The following RIPK1 variants were observed in gnomAD, a reference collection of about 807,000 sequenced individuals.
RIPK1 encodes receptor-interacting serine/threonine-protein kinase 1.
RIPK1 carries 27 observed loss-of-function variants against 62.4 expected under a neutral mutation model. The observed-to-expected ratio is 0.43, with a 90% CI of 0.32 to 0.60. The LOEUF is 0.60. Among genes scored for constraint, RIPK1 ranks in the 20% least tolerant of loss-of-function variants. The pLI is 0.07. For missense variants in RIPK1, 735 were observed against 831.0 expected, an observed-to-expected ratio of 0.88 and a Z score of 1.42; for synonymous variants, 287 against 303.2, an observed-to-expected ratio of 0.95 and a Z score of 0.55.
chr6:3,114,049 TGA>T lies in RIPK1; in HGVS notation c.*712_*713del. On this transcript the variant is annotated 3_prime_UTR_variant, in exon 11 of 11. Coordinates refer to ENST00000259808, the MANE Select transcript of RIPK1 (RefSeq NM_001354930.2). This position sits in a 1 kb window ranked among gnomAD's most constrained non-coding sequence, Gnocchi z 5.0. ...ATTTTTTAATGAATTGAATTTATAT[TGA>T]GTCTTCAAATTAACTGAATGGATTT... The T allele has an allele frequency of 6.6e-6, 1 of 152,338 alleles. No homozygotes were observed. Among genetic ancestry groups the T allele is most frequent in the East Asian group, 1.9e-4 (1 of 5,194 alleles). The allele number at this position is 152,338 out of a possible 1,614,324, so 9.4% of individuals were successfully genotyped here. A position where few individuals can be genotyped will look rare whatever the true frequency, so the allele number is the denominator to read the frequency against.
chr6:3,074,828 C>T (rs771813086), intron 1 of RIPK1, among the ~76,000 whole-genome samples: 2 of 152,106 alleles, frequency 1.3e-5, no homozygotes, highest in African/African-American at 2.4e-5. Flanking sequence ...ATTAGAGGCG[C>T]GTGCCACCAC....
intron 3 of RIPK1, among the ~76,000 whole-genome samples, chr6:3,078,730 G>T (rs1326329988): frequency 1.3e-5 from 2 of 152,144 alleles, no homozygotes; most frequent in African/African-American, 4.8e-5. Context: ...ACACTGGATA[G>T]GATTTAAAAC....
At position 3,071,972 on chromosome 6, in the gene RIPK1, A is replaced by G. The variant is rs187352208; in HGVS notation, c.-61+3311A>G. ...TGTTGTAGTTCCTGCCTGTTTCTTT[A>G]CTGTCTGTGACCTTTTTTAAATATT... On this transcript the variant is annotated intron_variant, in intron 1 of 10. Transcript: ENST00000259808. Among the ~76,000 whole-genome samples, 407 of 152,352 alleles carry G rather than the reference A, an allele frequency of 2.7e-3. 6 individuals are homozygous for G. Among genetic ancestry groups the G allele is most frequent in the Non-Finnish European group, 1.0e-3 (71 of 68,028 alleles).
chr6:3,100,120 G>A (rs1760518954), intron 7 of RIPK1, among the ~76,000 whole-genome samples: 1 of 152,150 alleles, frequency 6.6e-6, no homozygotes, highest in African/African-American at 2.4e-5. Context: ...TCCTTTTAAT[G>A]TTAAAGATAT....
intron 6 of RIPK1, among the ~76,000 whole-genome samples, chr6:3,086,678 A>G (rs972388117): frequency 2.0e-5 from 3 of 152,244 alleles, no homozygotes; most frequent in African/African-American, 4.8e-5. Flanking sequence ...TAGCCTTTCA[A>G]GACACACCGC....
chr6:3,108,492 C>T (rs1330423600), intron 9 of RIPK1, among the ~76,000 whole-genome samples: 1 of 152,170 alleles, frequency 6.6e-6, no homozygotes, highest in Non-Finnish European at 1.5e-5. Flanking sequence ...AAATAAACCT[C>T]CATGTAAGCC....
At chr6:3,083,012 C>T in intron 4 of RIPK1, 73 bp from the exon 5 acceptor site, 1 of 1,488,118 alleles carries the variant, frequency 6.7e-7, no homozygotes, top group Non-Finnish European at 9.3e-7. Flanking sequence ...TGGATAAGCC[C>T]AAAATTGAAA....
intron 1 of RIPK1, among the ~76,000 whole-genome samples, chr6:3,069,599 C>G (rs1758588244): frequency 6.6e-6 from 1 of 152,190 alleles, no homozygotes; most frequent in Admixed American, 6.5e-5. Flanking sequence ...CCCTGACTTA[C>G]ACTTGAAGAA....
chr6:3,104,110 G>C, intron 7 of RIPK1, 115 bp from the exon 8 acceptor site: 1 of 583,396 alleles, frequency 1.7e-6, no homozygotes, highest in Non-Finnish European at 3.1e-6. Context: ...ATTACTACTT[G>C]TAAGATCTGT....
At chr6:3,112,820 T>C (rs1761233783) in intron 10 of RIPK1, among the ~76,000 whole-genome samples, 1 of 152,208 alleles carries the variant, frequency 6.6e-6, no homozygotes, top group Non-Finnish European at 1.5e-5. Context: ...ATTATAGGCA[T>C]GAGCCACCAC....
intron 5 of RIPK1, 33 bp downstream of exon 5, chr6:3,083,346 C>G: frequency 6.4e-7 from 1 of 1,557,306 alleles, no homozygotes; most frequent in Non-Finnish European, 8.7e-7. Flanking sequence ...CTGCCGTCCC[C>G]TCAGCATCTA....
At chr6:3,099,678 G>A (rs759602613) in intron 7 of RIPK1, among the ~76,000 whole-genome samples, 2 of 152,210 alleles carry the variant, frequency 1.3e-5, no homozygotes, top group African/African-American at 2.4e-5. Flanking sequence ...AAATGAACCC[G>A]TTACAATTTT....
chr6:3,068,752 C>A, intron 1 of RIPK1, 91 bp downstream of exon 1: 1 of 793,736 alleles, frequency 1.3e-6, no homozygotes, highest in Non-Finnish European at 1.5e-6. Flanking sequence ...GCGCCCTCCC[C>A]CAGCACGCCC....
chr6:3,088,301 G>C (rs1486519558), intron 6 of RIPK1, among the ~76,000 whole-genome samples: 1 of 152,178 alleles, frequency 6.6e-6, no homozygotes, highest in Non-Finnish European at 1.5e-5. Flanking sequence ...GATCAGGGGT[G>C]GGAATTCTGG....
chr6:3,068,437 C>T (rs1395720780), upstream of RIPK1: 6 of 985,332 alleles, frequency 6.1e-6, no homozygotes, highest in East Asian at 6.8e-4. Context: ...CGGGGCGGCG[C>T]TCTCGCGGTC....
intron 7 of RIPK1, among the ~76,000 whole-genome samples, chr6:3,095,510 G>A (rs1760243259): frequency 1.3e-5 from 2 of 152,150 alleles, no homozygotes; most frequent in Non-Finnish European, 2.9e-5. Context: ...GAAAATTACA[G>A]ACCAATCTTG....
chr6:3,111,909 A>C (rs907435279), intron 10 of RIPK1, among the ~76,000 whole-genome samples: 4 of 152,246 alleles, frequency 2.6e-5, no homozygotes, highest in South Asian at 2.1e-4. Flanking sequence ...ATAGAGAGAG[A>C]GCCACATCAC....
chr6:3,073,877 G>A (rs575394911), intron 1 of RIPK1, among the ~76,000 whole-genome samples: 22 of 152,254 alleles, frequency 1.4e-4, no homozygotes, highest in East Asian at 3.9e-4. Context: ...TGAAGGTTAC[G>A]TCCACCACGA....
upstream of RIPK1, among the ~76,000 whole-genome samples, chr6:3,064,704 G>A (rs1468058903): frequency 6.6e-6 from 1 of 152,154 alleles, no homozygotes; most frequent in Non-Finnish European, 1.5e-5. Context: ...CAGAGCCTCC[G>A]GGCCGCGGTG....
Sources: allele counts gnomAD v4.1 joint callset (sites outside exome capture counted in the v4.1 genomes callset), GRCh38; gene constraint gnomAD v4.1.1; non-coding constraint Gnocchi (gnomAD v3.1); transcripts MANE v1.5; gene names NCBI Gene and HGNC (gene_info 2026-07-23, HGNC 2026-07-21).